The following JMJD7 variants were observed in gnomAD, a reference collection of about 807,000 sequenced individuals.
JMJD7 encodes jumonji domain containing 7, also known as bifunctional peptidase and (3S)-lysyl hydroxylase JMJD7.
In JMJD7, 41 loss-of-function variants were observed where a neutral mutation model predicts 41.1. The observed-to-expected ratio is 1.00, with a 90% CI of 0.78 to 1.30. The LOEUF (loss-of-function observed/expected upper bound fraction) is 1.30, where lower values mean the gene tolerates loss of function less well. Among genes scored for constraint, JMJD7 ranks in the 50% most tolerant of loss-of-function variants. JMJD7 has a pLI of 0.00. For synonymous variants in JMJD7, 202 were observed against 177.2 expected (o/e 1.14, Z -1.11); for missense variants, 480 against 420.7 (o/e 1.14, Z -1.23).
At chr15:41,836,680 C>G (rs2140882456) in intron 6 of JMJD7, 101 bp from the exon 7 acceptor site, 1 of 1,475,028 alleles carries the variant, frequency 6.8e-7, no homozygotes, top group African/African-American at 1.4e-5. Flanking sequence ...CCTTTCACTG[C>G]TGAGCCAAGC....
At chr15:41,829,991 G>C (rs1157265203) in intron 1 of JMJD7, among the ~76,000 whole-genome samples, 1 of 152,208 alleles carries the variant, frequency 6.6e-6, no homozygotes, top group Non-Finnish European at 1.5e-5. Flanking sequence ...GCAGTTGGAA[G>C]CAGATGCTGT....
At chr15:41,831,367 G>A (rs1455224217) in intron 1 of JMJD7, among the ~76,000 whole-genome samples, 2 of 152,166 alleles carry the variant, frequency 1.3e-5, no homozygotes, top group Non-Finnish European at 2.9e-5. Flanking sequence ...TTTGATCTAA[G>A]AACATTCACT....
chr15:41,835,021 C>T lies in JMJD7; in HGVS notation c.270C>T (p.Tyr90=), dbSNP rs765659372. 25 of 1,613,944 alleles carry T rather than the reference C, an allele frequency of 1.5e-5. No homozygotes were observed. The highest frequency in any genetic ancestry group is 2.2e-5 in the East Asian group (1 of 44,898). The change falls in exon 3 of 8, where the codon TAC becomes TAT. Residue 90 remains tyrosine (Y), a synonymous_variant. Transcript: ENST00000397299. ...EVSVAVTPDG[Y]ADAVRGDRFM... ...GTGTGGCCGTGACCCCAGATGGTTA[C>T]GCGGATGCCGTGAGAGGGGATCGCT...
chr15:41,835,328 C>T (rs1001121060), intron 3 of JMJD7, 105 bp downstream of exon 3: 1 of 1,448,480 alleles, frequency 6.9e-7, no homozygotes, highest in African/African-American at 1.4e-5. Context: ...GGGCTTGGTC[C>T]TGTCAGCATC....
chr15:41,834,652 C>T lies in JMJD7; in HGVS notation c.65-88C>T, dbSNP rs111901069. 1.9e-4 allele frequency: 290 copies of T among 1,545,926 alleles called. No individual in the cohort carries two copies. In the African/African-American group the frequency reaches 2.0e-3, roughly 11 times the overall value. ...ACGAGCATTTCCCAGTGACACAGCG[C>T]GGCCTTTCCAGGGAGGGCATCTCTT... is the stretch of plus-strand genomic sequence containing the variant. On this transcript the variant is annotated intron_variant, in intron 1 of 7. Transcript: ENST00000397299.
Position 41,828,135 on chromosome 15 carries a change from C to A in JMJD7, c.11C>A (p.Ala4Glu), listed in dbSNP as rs371932277. The change falls in exon 1 of 8, where the codon GCG becomes GAG. Residue 4 changes from alanine (A) to glutamate (E), a missense_variant. Coordinates refer to ENST00000397299, the MANE Select transcript of JMJD7 (RefSeq NM_001114632.2). ...GGCGCTGACGCAGCCATGGCGGAGG[C>A]GGCTTTGGAAGCCGTGCGGAGCGAG... The part of the protein sequence containing the change: MAE[A>E]ALEAVRSELR... 2.7e-6 allele frequency: 4 copies of A among 1,466,776 alleles called. No individual in the cohort carries two copies. Among genetic ancestry groups the A allele is most frequent in the African/African-American group, 1.5e-5 (1 of 67,158 alleles). The allele number at this position is 1,466,776 out of a possible 1,614,324, so 90.9% of individuals were successfully genotyped here.
At chr15:41,831,635 A>T (rs1046710855) in intron 1 of JMJD7, among the ~76,000 whole-genome samples, 1 of 152,186 alleles carries the variant, frequency 6.6e-6, no homozygotes, top group African/African-American at 2.4e-5. Flanking sequence ...TGAACACTCA[A>T]CAGGACTACC....
chr15:41,836,774 T>C lies in JMJD7; in HGVS notation c.703-7T>C. On this transcript the variant is annotated splice_polypyrimidine_tract_variant and splice_region_variant and intron_variant, in intron 6 of 7. Transcript: ENST00000397299. Reference sequence around the variant, plus strand: ...GGGCTGCTCCCTGGCATCTGATGTGTTCCCAGGTGCCCTGGATCCCACTGG... The same window carrying C: ...GGGCTGCTCCCTGGCATCTGATGTGCTCCCAGGTGCCCTGGATCCCACTGG... 6.2e-7 allele frequency: 1 copy of C among 1,603,422 alleles called. No homozygotes were observed. Among genetic ancestry groups the C allele is most frequent in the Non-Finnish European group, 8.5e-7 (1 of 1,175,360 alleles).
chr15:41,828,679 C>T (rs2065179726), intron 1 of JMJD7, among the ~76,000 whole-genome samples: 1 of 152,052 alleles, frequency 6.6e-6, no homozygotes, highest in African/African-American at 2.4e-5. Context: ...TTTCTTACCA[C>T]TGAACAGCAA....
chr15:41,828,286 G>T (rs1169385754), intron 1 of JMJD7, 98 bp downstream of exon 1: 4 of 1,353,368 alleles, frequency 3.0e-6, no homozygotes, highest in South Asian at 1.6e-5. Context: ...GTGTGCGACT[G>T]CCCTGAGGCC....
chr15:41,835,725 T>C, intron 4 of JMJD7, 81 bp downstream of exon 4: 1 of 1,497,730 alleles, frequency 6.7e-7, no homozygotes. Context: ...AGTGGAGGGA[T>C]GGCCCTGGGT....
At chr15:41,833,468 T>C (rs2065264187) in intron 1 of JMJD7, among the ~76,000 whole-genome samples, 2 of 138,306 alleles carry the variant, frequency 1.4e-5, no homozygotes, top group African/African-American at 5.4e-5. Context: ...TCACCCAGGC[T>C]GGAGTGCAGT....
chr15:41,835,998 A>T, intron 4 of JMJD7, 150 bp from the exon 5 acceptor site: 1 of 778,314 alleles, frequency 1.3e-6, no homozygotes, highest in East Asian at 2.8e-5. Context: ...TGCCCATCAG[A>T]GCCCCTGGCA....
chr15:41,833,414 A>ATATATT (rs1239528383), intron 1 of JMJD7, among the ~76,000 whole-genome samples: 13 of 32,010 alleles, frequency 4.1e-4, no homozygotes, highest in African/African-American at 1.2e-3. Context: ...ATATATATAT[A>ATATATT]TTTTTTTTTT....
At chr15:41,828,634 T>G in intron 1 of JMJD7, 1 of 158,396 alleles carries the variant, frequency 6.3e-6, no homozygotes, top group Non-Finnish European at 1.4e-5. Context: ...TCTTTCTCTC[T>G]TCCCTCCTTC....
In JMJD7 at chr15:41,835,568, C is replaced by T; in HGVS notation, c.473-20C>T. 4 of 1,610,998 alleles carry T rather than the reference C, an allele frequency of 2.5e-6. No individual in the cohort carries two copies. Among genetic ancestry groups the T allele is most frequent in the Non-Finnish European group, 3.4e-6 (4 of 1,178,678 alleles). On this transcript the variant is annotated intron_variant, in intron 3 of 7. Coordinates refer to ENST00000397299, the MANE Select transcript of JMJD7 (RefSeq NM_001114632.2). ...CCCAGCCTGGCCTTCCTAACTTGCT[C>T]TCTGCCTTCTGCCCTGCAGGAAAGA...
intron 1 of JMJD7, among the ~76,000 whole-genome samples, chr15:41,834,030 G>A (rs1481452182): frequency 6.6e-6 from 1 of 152,130 alleles, no homozygotes; most frequent in African/African-American, 2.4e-5. Context: ...GGTGACACAG[G>A]GCCACTGTAG....
At chr15:41,833,422 T>A (rs1325702096) in intron 1 of JMJD7, among the ~76,000 whole-genome samples, 42 of 86,890 alleles carry the variant, frequency 4.8e-4, no homozygotes, top group African/African-American at 1.0e-3. Context: ...ATATTTTTTT[T>A]TTTTTTTTTT....
At chr15:41,831,910 A>G (rs967334684) in intron 1 of JMJD7, among the ~76,000 whole-genome samples, 5 of 152,168 alleles carry the variant, frequency 3.3e-5, no homozygotes, top group African/African-American at 4.8e-5. Context: ...TGCTCGCCAC[A>G]TTGTGGGTGT....
Sources: gnomAD v4.1 joint callset for allele counts (sites outside exome capture counted in the v4.1 genomes callset) on GRCh38, gnomAD v4.1.1 for gene constraint, MANE v1.5 for transcripts, NCBI Gene and HGNC (gene_info 2026-07-23, HGNC 2026-07-21) for gene names.